RBFOX1: variants seen among roughly 807,000 people sequenced by gnomAD.
RBFOX1 encodes the protein RNA binding fox-1 homolog 1.
RBFOX1 carries 8 observed loss-of-function variants against 57.7 expected under a neutral mutation model. The ratio of observed to expected loss-of-function variants is 0.14; its 90% confidence interval spans 0.08 to 0.25. The LOEUF (loss-of-function observed/expected upper bound fraction) is 0.25. Ranked by LOEUF, RBFOX1 falls within the 10% of genes least tolerant of loss-of-function variation. The pLI is 1.00. For synonymous variants in RBFOX1, 326 were observed against 222.4 expected (o/e 1.47, Z -4.15); for missense variants, 611 against 548.5 (o/e 1.11, Z -1.14).
chr16:7,056,246 G>A (rs966276390), intron 4 of RBFOX1, among the ~76,000 whole-genome samples: 1 of 152,108 alleles, frequency 6.6e-6, no homozygotes, highest in African/African-American at 2.4e-5. Context: ...GAGAACTATT[G>A]GGATTACTTA....
chr16:6,221,613 G>A (rs1014726458), intron 1 of RBFOX1, among the ~76,000 whole-genome samples: 1 of 152,112 alleles, frequency 6.6e-6, no homozygotes, highest in Admixed American at 6.5e-5. Flanking sequence ...TGCTAATAAA[G>A]ACATACCTGA....
At chr16:6,361,000 A>G (rs182965482) in intron 2 of RBFOX1, among the ~76,000 whole-genome samples, 2 of 151,426 alleles carry the variant, frequency 1.3e-5, no homozygotes, top group African/African-American at 4.8e-5. Flanking sequence ...TAATTTTTGC[A>G]TTTGAAGAGA....
At chr16:6,993,624 A>T (rs1453045448) in intron 3 of RBFOX1, among the ~76,000 whole-genome samples, 1 of 152,064 alleles carries the variant, frequency 6.6e-6, no homozygotes, top group Non-Finnish European at 1.5e-5. Context: ...TTAAAATTCC[A>T]CTCAGCCGGG....
At chr16:6,085,087 T>A (rs1450634808) in intron 1 of RBFOX1, among the ~76,000 whole-genome samples, 1 of 152,146 alleles carries the variant, frequency 6.6e-6, no homozygotes, top group Non-Finnish European at 1.5e-5. Flanking sequence ...GGCAGAGTGC[T>A]GGGGACTGGG....
At chr16:6,351,372 A>ATATATATTTT (rs1199701253) in intron 2 of RBFOX1, among the ~76,000 whole-genome samples, 1 of 86,432 alleles carries the variant, frequency 1.2e-5, no homozygotes, top group African/African-American at 5.1e-5. Flanking sequence ...ATATATATAT[A>ATATATATTTT]TTTTTTTTTT....
intron 4 of RBFOX1, among the ~76,000 whole-genome samples, chr16:7,113,184 A>C (rs2065158210): frequency 6.6e-6 from 1 of 152,150 alleles, no homozygotes; most frequent in Non-Finnish European, 1.5e-5. Flanking sequence ...CAGATACATA[A>C]ATACATTGAG....
chr16:6,498,953 A>G (rs1056010868), intron 2 of RBFOX1, among the ~76,000 whole-genome samples: 8 of 152,196 alleles, frequency 5.3e-5, no homozygotes, highest in African/African-American at 1.9e-4. Flanking sequence ...TTCTCCTCCA[A>G]TACACCCCAT....
chr16:5,765,152 CT>C (rs2151656924), intron 3 of RBFOX1, among the ~76,000 whole-genome samples: 1 of 152,314 alleles, frequency 6.6e-6, no homozygotes, highest in East Asian at 1.9e-4. Context: ...CTGGGAGACT[CT>C]TTCCAGCCTA....
chr16:7,622,953 C>G (rs2059538172), intron 10 of RBFOX1, among the ~76,000 whole-genome samples: 1 of 152,164 alleles, frequency 6.6e-6, no homozygotes, highest in Non-Finnish European at 1.5e-5. Context: ...TTCAAAAATG[C>G]ATGACTGTAA....
At chr16:7,411,764 G>A (rs145954210) in intron 4 of RBFOX1, among the ~76,000 whole-genome samples, 82 of 152,200 alleles carry the variant, frequency 5.4e-4, no homozygotes, top group African/African-American at 1.7e-3. Flanking sequence ...TTAGCTGGGC[G>A]TGGTGGCGCA....
intron 2 of RBFOX1, among the ~76,000 whole-genome samples, chr16:6,556,708 G>A (rs190236070): frequency 6.6e-5 from 10 of 152,266 alleles, no homozygotes; most frequent in Admixed American, 3.3e-4. Flanking sequence ...TAAATGTATT[G>A]TGATGATCTG....
intron 7 of RBFOX1, among the ~76,000 whole-genome samples, chr16:7,588,154 CG>C (rs2152899661): frequency 6.6e-6 from 1 of 152,188 alleles, no homozygotes; most frequent in South Asian, 2.1e-4. Context: ...ACCACAGCCT[CG>C]GTGAACAGAG....
chr16:5,901,208 GC>G (rs1374180765), intron 4 of RBFOX1, among the ~76,000 whole-genome samples: 1 of 152,130 alleles, frequency 6.6e-6, no homozygotes, highest in Non-Finnish European at 1.5e-5. Context: ...GTATGTGGGG[GC>G]TACTTCTTAT....
At chr16:5,354,950 G>C (rs916500778) in intron 1 of RBFOX1, among the ~76,000 whole-genome samples, 1 of 152,104 alleles carries the variant, frequency 6.6e-6, no homozygotes, top group Non-Finnish European at 1.5e-5. Flanking sequence ...TAAGGGTCCC[G>C]TGGCTTGGTT....
chr16:7,219,532 G>A (rs1239032350), intron 4 of RBFOX1, among the ~76,000 whole-genome samples: 1 of 152,136 alleles, frequency 6.6e-6, no homozygotes, highest in Non-Finnish European at 1.5e-5. Context: ...ATGTGCAAGA[G>A]GAAACAAATA....
chr16:5,423,468 C>T (rs990105009), intron 1 of RBFOX1, among the ~76,000 whole-genome samples: 1 of 152,186 alleles, frequency 6.6e-6, no homozygotes, highest in South Asian at 2.1e-4. Flanking sequence ...TGGCTCCCTA[C>T]GCCATCCAAC....
chr16:6,367,314 G>C (rs1389523702), intron 2 of RBFOX1, among the ~76,000 whole-genome samples: 1 of 151,810 alleles, frequency 6.6e-6, no homozygotes, highest in Non-Finnish European at 1.5e-5. Context: ...ACCGTTGCCT[G>C]GGCTGGAGTG....
chr16:6,889,321 A>C (rs981292586), intron 3 of RBFOX1, among the ~76,000 whole-genome samples: 17 of 152,182 alleles, frequency 1.1e-4, no homozygotes, highest in Non-Finnish European at 2.4e-4. Context: ...GTCACTTTCA[A>C]GTGGAAAATT....
intron 3 of RBFOX1, among the ~76,000 whole-genome samples, chr16:6,701,647 C>T (rs943383407): frequency 6.6e-6 from 1 of 152,070 alleles, no homozygotes; most frequent in Non-Finnish European, 1.5e-5. Context: ...GGCGTACGTA[C>T]ACCTGTGTTC....
Sources: gnomAD v4.1 joint callset for allele counts (sites outside exome capture counted in the v4.1 genomes callset) on GRCh38, gnomAD v4.1.1 for gene constraint, MANE v1.5 for transcripts, NCBI Gene and HGNC (gene_info 2026-07-23, HGNC 2026-07-21) for gene names.